Variants in CCDC198 observed in about 807,000 individuals in gnomAD.
CCDC198 encodes the protein coiled-coil domain containing 198.
A neutral mutation model predicts 35.6 loss-of-function variants in CCDC198; 18 were observed. That is an observed-to-expected ratio of 0.51 (90% confidence interval 0.35 to 0.75). The LOEUF (loss-of-function observed/expected upper bound fraction) is 0.75, where lower values mean the gene tolerates loss of function less well. CCDC198 is among the 30% of genes least tolerant of loss of function. The pLI is 0.01. For missense variants in CCDC198, 365 were observed against 343.7 expected (o/e 1.06, Z -0.49); for synonymous variants, 119 against 113.4 (o/e 1.05, Z -0.31).
At chr14:57,476,788 C>CT (rs1333609151) in intron 5 of CCDC198, among the ~76,000 whole-genome samples, 2 of 152,306 alleles carry the variant, frequency 1.3e-5, no homozygotes, top group Non-Finnish European at 2.9e-5. Flanking sequence ...TAGTAGAATG[C>CT]TTAATGACCA....
intron 3 of CCDC198, among the ~76,000 whole-genome samples, chr14:57,482,641 T>C (rs1187818978): frequency 6.6e-6 from 1 of 152,178 alleles, no homozygotes; most frequent in Admixed American, 6.5e-5. Context: ...GGTGAGGTTG[T>C]GTCAAATAAG....
At chr14:57,474,440 T>G (rs564074388) in intron 5 of CCDC198, among the ~76,000 whole-genome samples, 14 of 152,310 alleles carry the variant, frequency 9.2e-5, no homozygotes, top group African/African-American at 3.4e-4. Context: ...AGGGGAATGT[T>G]TGTTTGTGGT....
intron 5 of CCDC198, among the ~76,000 whole-genome samples, chr14:57,477,797 A>G (rs2067052140): frequency 6.6e-6 from 1 of 152,126 alleles, no homozygotes; most frequent in Non-Finnish European, 1.5e-5. Flanking sequence ...TACTGGGTTC[A>G]AGCGATTCTC....
Position 57,480,660 on chromosome 14 carries a change from G to T in CCDC198, c.590C>A (p.Thr197Asn). ...DHKAKKTLQS[T>N]PRNDDHDLLT... ...AAGGTCATGGTCATCATTCCTTGGG[G>T]TGCTTTGAAGGGTTTTCTTGGCTTT... The change falls in exon 5 of 6, where the codon ACC becomes AAC. Residue 197 changes from threonine (T) to asparagine (N), a missense_variant. Thr to Asn is a moderately conservative substitution (Grantham distance 65). Transcript: ENST00000216445. 1 of 1,614,110 alleles carries T rather than the reference G, an allele frequency of 6.2e-7. No individual in the cohort carries two copies. The highest frequency in any genetic ancestry group is 8.5e-7 in the Non-Finnish European group (1 of 1,179,998).
At chr14:57,473,163 T>C (rs145743712) in intron 5 of CCDC198, among the ~76,000 whole-genome samples, 410 of 152,324 alleles carry the variant, frequency 2.7e-3, no homozygotes, top group Non-Finnish European at 3.8e-3. Flanking sequence ...AATTCATGCC[T>C]TGTGATTTCT....
chr14:57,474,886 T>G (rs1050714362), intron 5 of CCDC198, among the ~76,000 whole-genome samples: 1 of 152,200 alleles, frequency 6.6e-6, no homozygotes, highest in East Asian at 1.9e-4. Flanking sequence ...GAAAACTGTT[T>G]GATGGTTGTG....
rs2067247514 is a variant in CCDC198 at position 57,483,243 on chromosome 14, CA to C, written c.307-93del. ...GACATTAAATTATCTTAACACTTTG[CA>C]AAAGCGGCACTTATTTCTGAGAGCA... On this transcript the variant is annotated intron_variant, in intron 2 of 5. Transcript: ENST00000216445. The C allele has an allele frequency of 2.5e-6, 4 of 1,579,528 alleles. No individual in the cohort carries two copies. In the Admixed American group the frequency reaches 7.1e-5, roughly 28 times the overall value.
Position 57,475,445 on chromosome 14 carries a change from A to T in CCDC198, c.656-3855T>A, listed in dbSNP as rs868460427. On this transcript the variant is annotated intron_variant, in intron 5 of 5. Transcript: ENST00000216445. The stretch of plus-strand genomic sequence containing the variant: ...CATATGACTGTTTTCACTATAAGAC[A>T]TCAATTGTGGCCAGGCGCGGTGGCT... 3.4e-5 allele frequency: 42 copies of T among 1,235,798 alleles called. No homozygotes were observed. In the African/African-American group the frequency reaches 5.9e-4, roughly 17 times the overall value. 76.6% of individuals were successfully genotyped at this position (1,235,798 alleles called of 1,614,324 possible). A position where few individuals can be genotyped will look rare whatever the true frequency, so the allele number is the denominator to read the frequency against.
chr14:57,471,738 A>G (rs1188961337), intron 5 of CCDC198, 148 bp from the exon 6 acceptor site: 1 of 177,896 alleles, frequency 5.6e-6, no homozygotes, highest in Non-Finnish European at 1.1e-5. Flanking sequence ...TAATATATAT[A>G]TATATACATT....
chr14:57,480,815 T>TCAA, intron 4 of CCDC198, 61 bp from the exon 5 acceptor site: 2 of 1,558,634 alleles, frequency 1.3e-6, no homozygotes, highest in Non-Finnish European at 1.8e-6. Flanking sequence ...CCAGACTAGA[T>TCAA]CAACAGATCA....
Position 57,493,575 on chromosome 14 carries a change from C to T in CCDC198, c.141G>A (p.Leu47=). 5 of 1,613,964 alleles carry T rather than the reference C, an allele frequency of 3.1e-6. No homozygotes were observed. Among genetic ancestry groups the T allele is most frequent in the Non-Finnish European group, 4.2e-6 (5 of 1,179,906 alleles). The change falls in exon 1 of 6, where the codon CTG becomes CTA. Residue 47 remains leucine, a synonymous_variant. Transcript: ENST00000216445. ...CTTTATTCTGGTCCTGCAGTCTTGCCAGTGAATATGAAGTCTTTTCTTCCA... is the reference window on the plus strand; with the variant it reads ...CTTTATTCTGGTCCTGCAGTCTTGCTAGTGAATATGAAGTCTTTTCTTCCA... ...QNLEEKTSYS[L]ARLQDQNKAL...
At chr14:57,482,399 C>T (rs1198206329) in intron 3 of CCDC198, among the ~76,000 whole-genome samples, 3 of 152,144 alleles carry the variant, frequency 2.0e-5, no homozygotes, top group African/African-American at 7.2e-5. Context: ...ATGCTGTCAG[C>T]ACCACAAACG....
At position 57,471,080 on chromosome 14, in the gene CCDC198, C is replaced by T. The variant is rs1376757025; in HGVS notation, c.*275G>A. The T allele has an allele frequency of 9.5e-6, 3 of 316,608 alleles. No individual in the cohort carries two copies. Among genetic ancestry groups the T allele is most frequent in the Non-Finnish European group, 1.7e-5 (3 of 171,748 alleles). The allele number at this position is 316,608 out of a possible 1,614,324, so 19.6% of individuals were successfully genotyped here. The stretch of plus-strand genomic sequence containing the variant: ...TGACATGAAAGATTTCAAAAGGGAA[C>T]AGCAGAAGAACCACCTAGCTGAACT... On this transcript the variant is annotated 3_prime_UTR_variant, in exon 6 of 6. Transcript: ENST00000216445.
At position 57,471,400 on chromosome 14, in the gene CCDC198, C is replaced by T. The variant is rs34152531; in HGVS notation, c.846G>A (p.Arg282=). Residue 282 remains arginine (R), a synonymous_variant, in exon 6 of 6, where the codon AGG becomes AGA. Transcript: ENST00000216445. ...CATCGAAAAGTGGGATTCTCTCTGT[C>T]CTGGTCCTCACCAGTGCTCGTGGCT... ...EKKPRALVRT[R]TERIPLFDEF... The T allele has an allele frequency of 5.7e-4, 921 of 1,613,932 alleles. 8 individuals are homozygous for T. The African/African-American group carries it at 0.011, about 20-fold the overall frequency.
intron 1 of CCDC198, 76 bp downstream of exon 1, chr14:57,493,417 G>T: frequency 8.0e-7 from 1 of 1,254,146 alleles, no homozygotes; most frequent in Non-Finnish European, 1.2e-6. Flanking sequence ...CTGAGATCAT[G>T]GAGACAGTCA....
In CCDC198 at chr14:57,493,691, G is replaced by A. The variant is rs759752791; in HGVS notation, c.25C>T (p.His9Tyr). Reference sequence around the variant, plus strand: ...GGTGCTACTTTGATCACCCTAAGGTGAGTCTTAGAGTGACTCAGGCCCATT... The same window carrying A: ...GGTGCTACTTTGATCACCCTAAGGTAAGTCTTAGAGTGACTCAGGCCCATT... The part of the protein sequence containing the change: MGLSHSKT[H>Y]LRVIKVAPLQ... The change falls in exon 1 of 6, where the codon CAC becomes TAC. Residue 9 changes from histidine (H) to tyrosine (Y), a missense_variant. His to Tyr is a moderately conservative substitution (Grantham distance 83). Transcript: ENST00000216445. 12 of 1,613,292 alleles carry A rather than the reference G, an allele frequency of 7.4e-6. No homozygotes were observed. The highest frequency in any genetic ancestry group is 1.0e-5 in the Non-Finnish European group (12 of 1,179,590).
chr14:57,483,101 C>G lies in CCDC198; in HGVS notation c.357G>C (p.Leu119=), dbSNP rs1223962132. The G allele has an allele frequency of 1.2e-6, 2 of 1,613,946 alleles. No individual in the cohort carries two copies. Among genetic ancestry groups the G allele is most frequent in the Non-Finnish European group, 1.7e-6 (2 of 1,179,984 alleles). The change falls in exon 3 of 6, where the codon CTG becomes CTC. Residue 119 remains leucine, a synonymous_variant. Transcript: ENST00000216445. The part of the protein sequence containing the change: ...LPRVITSGRL[L]SQREARTMHK... The stretch of plus-strand genomic sequence containing the variant: ...GCATTGTCCTGGCTTCTCGCTGGCT[C>G]AGGAGTCTTCCTGAAGTAATTACTC...
At position 57,493,772 on chromosome 14, in the gene CCDC198, A is replaced by G; in HGVS notation, c.-57T>C. 7.7e-7 allele frequency: 1 copy of G among 1,302,986 alleles called. No individual in the cohort carries two copies. The highest frequency in any genetic ancestry group is 2.1e-5 in the Admixed American group (1 of 47,672). 80.7% of individuals were successfully genotyped at this position (1,302,986 alleles called of 1,614,324 possible). ...GAGGGAAGTGGTTTTGGGGTCTTTA[A>G]TATAGCTTATTTTAATCAAAGCATT... On this transcript the variant is annotated 5_prime_UTR_variant, in exon 1 of 6. Coordinates refer to ENST00000216445, the MANE Select transcript of CCDC198 (RefSeq NM_018168.4).
intron 5 of CCDC198, among the ~76,000 whole-genome samples, chr14:57,477,442 C>T (rs2067038235): frequency 6.6e-6 from 1 of 152,084 alleles, no homozygotes; most frequent in Admixed American, 6.6e-5. Flanking sequence ...CTATTTCATG[C>T]TAGCAAAATC....
Sources: gnomAD v4.1 joint callset for allele counts (sites outside exome capture counted in the v4.1 genomes callset) on GRCh38, gnomAD v4.1.1 for gene constraint, MANE v1.5 for transcripts, NCBI Gene and HGNC (gene_info 2026-07-23, HGNC 2026-07-21) for gene names.